MYL5: variants seen among roughly 807,000 people sequenced by gnomAD.
The protein encoded by MYL5 is myosin light chain 5, also known as myosin regulatory light chain 5.
Under a neutral mutation model 20.8 loss-of-function variants are expected in MYL5, and 28 were observed. The observed-to-expected ratio is 1.35, with a 90% confidence interval of 1.00 to 1.84. The LOEUF (loss-of-function observed/expected upper bound fraction) is 1.84. Among genes scored for constraint, MYL5 ranks in the 40% most tolerant of loss-of-function variants. The pLI is 0.00. For synonymous variants in MYL5, 118 were observed against 87.4 expected (o/e 1.35, Z -1.95); for missense variants, 274 against 227.3 (o/e 1.21, Z -1.32).
At chr4:678,537 C>G (rs769658387) in intron 1 of MYL5, 121 bp from the exon 4 acceptor site, 34 of 1,465,574 alleles carry the variant, frequency 2.3e-5, no homozygotes, top group African/African-American at 4.3e-5. Flanking sequence ...CTGTCTGGCC[C>G]CCTCCAGCCC....
chr4:679,095 C>A, intron 3 of MYL5, 62 bp downstream of exon 5: 2 of 1,478,270 alleles, frequency 1.4e-6, no homozygotes, highest in Non-Finnish European at 9.4e-7. Context: ...GGTCCTCCAG[C>A]TCCAGACGCC....
chr4:677,118 G>T (rs570136571), upstream of MYL5, among the ~76,000 whole-genome samples: 1 of 152,328 alleles, frequency 6.6e-6, no homozygotes, highest in Non-Finnish European at 1.5e-5. Flanking sequence ...AGGGGCAGGT[G>T]CCCTGGGTCC....
chr4:679,604 G>GTCGC (rs1245428297), intron 3 of MYL5, among the ~76,000 whole-genome samples: 2 of 152,174 alleles, frequency 1.3e-5, no homozygotes, highest in African/African-American at 4.8e-5. Context: ...GGGTGGGAGG[G>GTCGC]TCGCAAGTGA....
rs1476446372 is a variant in MYL5, at chr4:681,082, T to G, written c.372-10T>G. 1.1e-5 allele frequency: 18 copies of G among 1,596,306 alleles called. No individual in the cohort carries two copies. The highest frequency in any genetic ancestry group is 1.5e-5 in the Non-Finnish European group (18 of 1,172,256). ...CATCAGCCCGCGCTGACCCCTTTCC[T>G]CGTCCTCAGCATCAAGCGTCTGCTG... is the stretch of plus-strand genomic sequence containing the variant. On this transcript the variant is annotated splice_polypyrimidine_tract_variant and intron_variant, in intron 5 of 6. Transcript: ENST00000400159.
exon 1 of MYL5, chr4:677,983 A>T: frequency 6.2e-7 from 1 of 1,613,176 alleles, no homozygotes; most frequent in Non-Finnish European, 8.5e-7. Context: ...GATGGGCAAG[A>T]CCTGGGGCCC....
rs745602691 is a variant in MYL5 at position 679,128 on chromosome 4, C to T, written c.187+95C>T. The T allele has an allele frequency of 7.1e-6, 7 of 983,154 alleles. No homozygotes were observed. In the African/African-American group the frequency reaches 2.1e-4, roughly 30 times the overall value. The allele number at this position is 983,154 out of a possible 1,614,324, so 60.9% of individuals were successfully genotyped here. The stretch of plus-strand genomic sequence containing the variant: ...GCCGCGGCCCCTCCTCGAATGGAGC[C>T]AGGGCCCGCGCCTCAGAGGCCCACC... On this transcript the variant is annotated intron_variant, in intron 3 of 6. Transcript: ENST00000400159.
chr4:681,717 GCCGCCCCGCCCCCT>G, intron 6 of MYL5, 162 bp from the exon 9 acceptor site: 1 of 142,048 alleles, frequency 7.0e-6, no homozygotes, highest in African/African-American at 4.4e-5. Context: ...CCCCTCCAGC[GCCGCCCCGCCCCCT>G]CCAGCGCCGC....
At chr4:680,861 A>G in intron 5 of MYL5, 1 of 638,546 alleles carries the variant, frequency 1.6e-6, no homozygotes. Flanking sequence ...GGAAAGTACC[A>G]GGCGCTGGCC....
chr4:676,811 G>T, upstream of MYL5: 1 of 902,804 alleles, frequency 1.1e-6, no homozygotes. Context: ...TTCCACATCT[G>T]GTCACCTGAC....
At chr4:681,190 C>T in intron 6 of MYL5, 50 bp downstream of exon 8, 2 of 1,571,952 alleles carry the variant, frequency 1.3e-6, no homozygotes, top group South Asian at 1.2e-5. Context: ...GGCGGGGCTC[C>T]CGGGGTCAGC....
intron 6 of MYL5, among the ~76,000 whole-genome samples, chr4:681,608 C>G (rs1487651971): frequency 1.2e-4 from 15 of 125,498 alleles, no homozygotes; most frequent in Admixed American, 8.6e-4. Flanking sequence ...CCGCCCCGCC[C>G]CCTCCAGCGC....
intron 6 of MYL5, chr4:681,674 AGCGCC>A: frequency 3.0e-4 from 1 of 3,388 alleles, no homozygotes; most frequent in Admixed American, 3.1e-3. Flanking sequence ...CGCCCCCTCC[AGCGCC>A]GCCCCGCCCC....
intron 1 of MYL5, 29 bp from the exon 4 acceptor site, chr4:678,629 G>C (rs756167765): frequency 1.9e-6 from 3 of 1,585,668 alleles, no homozygotes; most frequent in Non-Finnish European, 2.6e-6. Context: ...GCCAGCCCAG[G>C]ACCCTCAGCC....
chr4:679,253 C>T, intron 3 of MYL5: 1 of 665,054 alleles, frequency 1.5e-6, no homozygotes, highest in Non-Finnish European at 2.7e-6. Flanking sequence ...TGGGACAGCC[C>T]AAGCCTGGAA....
chr4:681,120 G>A, exon 6 of MYL5: 1 of 1,607,314 alleles, frequency 6.2e-7, no homozygotes, highest in Non-Finnish European at 8.5e-7. Context: ...GTCCCAGGCT[G>A]ACAAGATGAC....
At chr4:678,635 C>T (rs749472109) in intron 1 of MYL5, 23 bp from the exon 4 acceptor site, 3 of 1,590,168 alleles carry the variant, frequency 1.9e-6, no homozygotes, top group Middle Eastern at 1.7e-4. Flanking sequence ...CCAGGACCCT[C>T]AGCCATGGTG....
chr4:674,704 T>C (rs1577322917), upstream of MYL5: 5 of 197,030 alleles, frequency 2.5e-5, no homozygotes, highest in South Asian at 3.7e-4. Context: ...CTCGGGCGGG[T>C]CCAGCCCCGC....
chr4:681,407 C>T (rs1739499161), intron 6 of MYL5, among the ~76,000 whole-genome samples: 1 of 152,018 alleles, frequency 6.6e-6, no homozygotes, highest in Non-Finnish European at 1.5e-5. Flanking sequence ...GCCGGAGGGG[C>T]GGGGCTCACA....
chr4:676,997 A>C (rs1738905560), upstream of MYL5: 1 of 904,686 alleles, frequency 1.1e-6, no homozygotes, highest in South Asian at 5.1e-5. Context: ...CTCAAGAGAC[A>C]TGCAAGTGGC....
Sources: gnomAD v4.1 joint callset for allele counts (sites outside exome capture counted in the v4.1 genomes callset) on GRCh38, gnomAD v4.1.1 for gene constraint, MANE v1.5 for transcripts, NCBI Gene and HGNC (gene_info 2026-07-23, HGNC 2026-07-21) for gene names.